L2HGDH: variants seen among roughly 807,000 people sequenced by gnomAD.
L2HGDH encodes the protein L-2-hydroxyglutarate dehydrogenase.
A neutral mutation model predicts 51.5 loss-of-function variants in L2HGDH; 34 were observed. The observed-to-expected ratio is 0.66, with a 90% CI of 0.50 to 0.88. L2HGDH has a LOEUF of 0.88. Ranked by LOEUF, L2HGDH falls within the 40% of genes least tolerant of loss-of-function variation. L2HGDH has a pLI of 0.00. For synonymous variants in L2HGDH, 198 were observed against 197.9 expected (o/e 1.00, Z -0.01); for missense variants, 558 against 571.9 (o/e 0.98, Z 0.25).
chr14:50,242,819 A>AAT lies in L2HGDH; in HGVS notation c.*4238_*4239insAT. ...CTTTAGATAATAGTGTATGCGCAGA[A>AAT]AGATGAGGAAACCTCTGACCAAGAA... is the stretch of plus-strand genomic sequence containing the variant. On this transcript the variant is annotated 3_prime_UTR_variant, in exon 10 of 10. Transcript: ENST00000267436. The AAT allele has an allele frequency of 2.0e-6, 2 of 985,486 alleles. No individual in the cohort carries two copies. The highest frequency in any genetic ancestry group is 2.4e-6 in the Non-Finnish European group (2 of 829,940). 61.0% of individuals were successfully genotyped at this position (985,486 alleles called of 1,614,324 possible). A position where few individuals can be genotyped will look rare whatever the true frequency, so the allele number is the denominator to read the frequency against.
chr14:50,299,545 C>A (rs2032829084), intron 3 of L2HGDH, among the ~76,000 whole-genome samples: 2 of 152,128 alleles, frequency 1.3e-5, no homozygotes, highest in South Asian at 4.2e-4. Context: ...GGCCAATATT[C>A]CTGATGAACA....
chr14:50,257,566 T>G (rs1888744915), intron 9 of L2HGDH, among the ~76,000 whole-genome samples: 1 of 152,010 alleles, frequency 6.6e-6, no homozygotes, highest in African/African-American at 2.4e-5. Context: ...AGACAGGATC[T>G]TACTATGTTG....
At chr14:50,267,145 TTTTATTTATTTATTTATTTATTTA>T (rs149075578) in intron 8 of L2HGDH, among the ~76,000 whole-genome samples, 5 of 143,378 alleles carry the variant, frequency 3.5e-5, no homozygotes, top group South Asian at 4.4e-4. Flanking sequence ...TTCTTTTTAT[TTTTATTTATTTATTTATTTATTTA>T]TTTATTTATT....
intron 1 of L2HGDH, among the ~76,000 whole-genome samples, chr14:50,307,882 T>C (rs1354422719): frequency 6.6e-6 from 1 of 151,776 alleles, no homozygotes. Context: ...TAGGAAAAAA[T>C]AGGACAAAAT....
At chr14:50,311,359 A>T (rs1270476975) in intron 1 of L2HGDH, 1 of 455,948 alleles carries the variant, frequency 2.2e-6, no homozygotes, top group East Asian at 6.9e-5. Context: ...AGTCACACTC[A>T]TATGGCCCAC....
intron 4 of L2HGDH, among the ~76,000 whole-genome samples, chr14:50,290,048 G>A (rs762851385): frequency 6.6e-6 from 1 of 152,050 alleles, no homozygotes; most frequent in South Asian, 2.1e-4. Context: ...GGCGGATCAC[G>A]AGGTCAGGAG....
intron 6 of L2HGDH, among the ~76,000 whole-genome samples, chr14:50,274,932 A>G (rs1889891133): frequency 7.5e-6 from 1 of 133,256 alleles, no homozygotes; most frequent in South Asian, 2.7e-4. Flanking sequence ...GAACTCATAG[A>G]AAAAGAGAGT....
chr14:50,259,018 T>A (rs1888839068), intron 9 of L2HGDH, among the ~76,000 whole-genome samples: 1 of 149,972 alleles, frequency 6.7e-6, no homozygotes, highest in Non-Finnish European at 1.5e-5. Flanking sequence ...CTCTTTTTTT[T>A]TTTTTTTTTT....
chr14:50,302,141 C>T lies in L2HGDH; in HGVS notation c.284G>A (p.Gly95Asp), dbSNP rs1227367592. Reference sequence around the variant, plus strand: ...ATAATAAATTCCACTATGTATGACACCACTGTTATGTCCAGTCTGGTGAAC... The same window carrying T: ...ATAATAAATTCCACTATGTATGACATCACTGTTATGTCCAGTCTGGTGAAC... Reference protein sequence around the residue: ...LAVHQTGHNSGVIHSGIYYKP... With the variant: ...LAVHQTGHNSDVIHSGIYYKP... The change falls in exon 3 of 10, where the codon GGT becomes GAT. Residue 95 changes from glycine to aspartate, a missense_variant. Around this residue, in one of 3 missense-constraint regions of L2HGDH, gnomAD observed 194 missense variants for 187.2 expected, o/e 1.04. Transcript: ENST00000267436. 6.2e-7 allele frequency: 1 copy of T among 1,613,956 alleles called. No homozygotes were observed. The highest frequency in any genetic ancestry group is 1.7e-5 in the Admixed American group (1 of 59,994).
intron 4 of L2HGDH, chr14:50,293,364 T>C (rs1324942443): frequency 1.3e-5 from 9 of 672,210 alleles, no homozygotes; most frequent in Middle Eastern, 2.4e-4. Flanking sequence ...TAGATCTAAA[T>C]GTGAAATGTA....
intron 9 of L2HGDH, among the ~76,000 whole-genome samples, chr14:50,258,378 G>GT (rs1888801416): frequency 6.6e-6 from 1 of 152,090 alleles, no homozygotes; most frequent in South Asian, 2.1e-4. Context: ...ACTACACCCA[G>GT]CTAATTGTTT....
At chr14:50,296,208 A>C (rs2030033997) in intron 3 of L2HGDH, among the ~76,000 whole-genome samples, 1 of 151,580 alleles carries the variant, frequency 6.6e-6, no homozygotes, top group African/African-American at 2.4e-5. Flanking sequence ...CTGTCCCTAC[A>C]AAAAAATACA....
rs1260994516 is a variant in L2HGDH at position 50,242,903 on chromosome 14, C to A, written c.*4155G>T. On this transcript the variant is annotated 3_prime_UTR_variant, in exon 10 of 10. Transcript: ENST00000267436. The stretch of plus-strand genomic sequence containing the variant: ...AGCCAGTCCTTAAACAATATAGACA[C>A]CATGTCTCCTGTGTTTACAGGGATA... 1.0e-6 allele frequency: 1 copy of A among 985,334 alleles called. No individual in the cohort carries two copies. Among genetic ancestry groups the A allele is most frequent in the Non-Finnish European group, 1.2e-6 (1 of 829,944 alleles). The allele number at this position is 985,334 out of a possible 1,614,324, so 61.0% of individuals were successfully genotyped here. A position where few individuals can be genotyped will look rare whatever the true frequency, so the allele number is the denominator to read the frequency against.
At chr14:50,276,171 T>C (rs1889970415) in intron 6 of L2HGDH, among the ~76,000 whole-genome samples, 2 of 152,226 alleles carry the variant, frequency 1.3e-5, no homozygotes, top group East Asian at 1.9e-4. Context: ...TACTGGAAAC[T>C]ACCTCGACCC....
chr14:50,269,858 A>G (rs1466299957), intron 6 of L2HGDH, among the ~76,000 whole-genome samples: 1 of 152,230 alleles, frequency 6.6e-6, no homozygotes, highest in Admixed American at 6.5e-5. Flanking sequence ...TAAAAATATA[A>G]GCACATAAAA....
chr14:50,275,698 T>G (rs1466358606), intron 6 of L2HGDH, among the ~76,000 whole-genome samples: 2 of 152,220 alleles, frequency 1.3e-5, no homozygotes, highest in African/African-American at 4.8e-5. Flanking sequence ...CTTGCAGGGC[T>G]GGGGCAATGT....
intron 6 of L2HGDH, among the ~76,000 whole-genome samples, chr14:50,274,762 T>C (rs1273991374): frequency 1.3e-5 from 2 of 152,144 alleles, no homozygotes; most frequent in Non-Finnish European, 2.9e-5. Context: ...AAATGTGATA[T>C]ATATACACAA....
chr14:50,278,452 G>A, intron 6 of L2HGDH, 68 bp downstream of exon 6: 1 of 978,790 alleles, frequency 1.0e-6, no homozygotes, highest in Admixed American at 1.9e-5. Flanking sequence ...CAGCCCTGTG[G>A]GTTAATTTAA....
intron 2 of L2HGDH, 131 bp from the exon 3 acceptor site, chr14:50,302,299 T>C: frequency 1.1e-6 from 1 of 928,698 alleles, no homozygotes; most frequent in Non-Finnish European, 1.7e-6. Context: ...TTTGTTCAGA[T>C]CACTGGTAAC....
Sources: allele counts gnomAD v4.1 joint callset (sites outside exome capture counted in the v4.1 genomes callset), GRCh38; gene constraint gnomAD v4.1.1; regional missense constraint gnomAD v4.1.1; transcripts MANE v1.5; gene names NCBI Gene and HGNC (gene_info 2026-07-23, HGNC 2026-07-21).